The following TRERF1 variants were observed in gnomAD, a reference collection of about 807,000 sequenced individuals.
TRERF1 encodes transcriptional-regulating factor 1.
In TRERF1, 27 loss-of-function variants were observed where a neutral mutation model predicts 122.9. That is an observed-to-expected ratio of 0.22 (90% CI 0.16 to 0.30). The LOEUF (loss-of-function observed/expected upper bound fraction) is 0.30. TRERF1 is among the 10% of genes least tolerant of loss of function. The pLI is 1.00. For synonymous variants in TRERF1, 636 were observed against 641.7 expected (o/e 0.99, Z 0.13); for missense variants, 1,248 against 1,560.3 (o/e 0.80, Z 3.37).
chr6:42,416,157 C>A (rs1298762930), intron 2 of TRERF1, among the ~76,000 whole-genome samples: 3 of 151,974 alleles, frequency 2.0e-5, no homozygotes, highest in Non-Finnish European at 4.4e-5. Flanking sequence ...TAACTATGCA[C>A]CAAACTACCT....
At chr6:42,298,935 G>A (rs1456530963) in intron 4 of TRERF1, among the ~76,000 whole-genome samples, 3 of 151,860 alleles carry the variant, frequency 2.0e-5, no homozygotes, top group African/African-American at 4.8e-5. Flanking sequence ...GAGAGATTCC[G>A]TCTCAAAAAC....
In TRERF1 at chr6:42,333,550, G is replaced by T. The variant is rs772431231; in HGVS notation, c.-371+29447C>A. The stretch of plus-strand genomic sequence containing the variant: ...AGTCAGAGGCTGCCCTGCACCCTGC[G>T]CAGCTGGAGAAAGGCTTGGGCTTGG... On this transcript the variant is annotated intron_variant, in intron 3 of 17. Transcript: ENST00000372922. Among the ~76,000 whole-genome samples the T allele has an allele frequency of 2.0e-5, 3 of 152,218 alleles. 1 individual carries two copies. Among genetic ancestry groups the T allele is most frequent in the Non-Finnish European group, 4.4e-5 (3 of 68,034 alleles).
At chr6:42,364,178 G>C (rs897791199) in intron 2 of TRERF1, among the ~76,000 whole-genome samples, 13 of 152,146 alleles carry the variant, frequency 8.5e-5, no homozygotes, top group Admixed American at 5.2e-4. Flanking sequence ...AGCCACAATG[G>C]CTTCCTCAAA....
At chr6:42,427,456 G>A (rs541785112) in intron 2 of TRERF1, among the ~76,000 whole-genome samples, 5 of 152,004 alleles carry the variant, frequency 3.3e-5, no homozygotes, top group African/African-American at 1.2e-4. Context: ...TCACTATGTT[G>A]CCCAGGCTGG....
chr6:42,247,008 C>G (rs1452542748), intron 13 of TRERF1, among the ~76,000 whole-genome samples: 1 of 152,232 alleles, frequency 6.6e-6, no homozygotes, highest in East Asian at 1.9e-4. Flanking sequence ...AAGATGCTCA[C>G]AGTCTACTGG....
chr6:42,399,190 C>G (rs962010267), intron 2 of TRERF1, among the ~76,000 whole-genome samples: 1 of 152,114 alleles, frequency 6.6e-6, no homozygotes, highest in Non-Finnish European at 1.5e-5. Context: ...AGAAATGAAA[C>G]AGAATGTACA....
In TRERF1 at chr6:42,317,801, G is replaced by A. The variant is rs190689033; in HGVS notation, c.-370-17052C>T. 1.4e-4 allele frequency among the ~76,000 whole-genome samples: 22 copies of A among 151,984 alleles called. No homozygotes were observed. In the Middle Eastern group the frequency reaches 0.014, roughly 94 times the overall value. On this transcript the variant is annotated intron_variant, in intron 3 of 17. Coordinates refer to ENST00000372922, the Ensembl canonical transcript of TRERF1. ...GCTAAACTTTTTAAGATATAGTTGA[G>A]ATTATATTGTATACATAATTTTGAA...
At chr6:42,234,050 G>A (rs190955653) in intron 16 of TRERF1, among the ~76,000 whole-genome samples, 3 of 152,270 alleles carry the variant, frequency 2.0e-5, no homozygotes, top group Admixed American at 1.3e-4. Flanking sequence ...GGGCTCTGTT[G>A]TATAGGATGT....
At chr6:42,407,198 T>C (rs1212281412) in intron 2 of TRERF1, among the ~76,000 whole-genome samples, 1 of 152,210 alleles carries the variant, frequency 6.6e-6, no homozygotes, top group Non-Finnish European at 1.5e-5. Flanking sequence ...TAAATCTAAG[T>C]CTGCTCAACA....
intron 2 of TRERF1, among the ~76,000 whole-genome samples, chr6:42,375,409 T>C (rs905878161): frequency 6.6e-6 from 1 of 152,226 alleles, no homozygotes; most frequent in Non-Finnish European, 1.5e-5. Flanking sequence ...TCCACACAAA[T>C]GCTAGTTCCT....
At chr6:42,250,701 T>C (rs1046865973) in intron 13 of TRERF1, among the ~76,000 whole-genome samples, 1 of 152,122 alleles carries the variant, frequency 6.6e-6, no homozygotes, top group Non-Finnish European at 1.5e-5. Context: ...TCCTGGCTAT[T>C]GGGCTATTAC....
At chr6:42,341,089 G>A (rs187205861) in intron 3 of TRERF1, among the ~76,000 whole-genome samples, 3 of 152,312 alleles carry the variant, frequency 2.0e-5, no homozygotes, top group African/African-American at 7.2e-5. Flanking sequence ...TGGGTGCAGG[G>A]TTTTCATGAC....
chr6:42,432,438 G>A (rs565262546), intron 2 of TRERF1, among the ~76,000 whole-genome samples: 20 of 152,192 alleles, frequency 1.3e-4, no homozygotes, highest in African/African-American at 2.9e-4. Flanking sequence ...CATTTGTGGC[G>A]GTATTATTCA....
In TRERF1 at chr6:42,247,152, T is replaced by C. The variant is rs572136872; in HGVS notation, c.2657-608A>G. ...CAGGGCAGCCAGGAGGGCTTCCAGC[T>C]AGAGAAAACATGAGTTGAGTTTTAA... is the stretch of plus-strand genomic sequence containing the variant. On this transcript the variant is annotated intron_variant, in intron 13 of 17. Transcript: ENST00000372922. 3.3e-5 allele frequency among the ~76,000 whole-genome samples: 5 copies of C among 152,306 alleles called. No homozygotes were observed. The East Asian group carries it at 9.6e-4, about 29-fold the overall frequency.
At chr6:42,402,452 T>C (rs1779528416) in intron 2 of TRERF1, among the ~76,000 whole-genome samples, 1 of 152,172 alleles carries the variant, frequency 6.6e-6, no homozygotes, top group East Asian at 1.9e-4. Context: ...AGACCCCTGT[T>C]CACCGCTACT....
intron 1 of TRERF1, among the ~76,000 whole-genome samples, 172 bp from the exon 2 acceptor site, chr6:42,451,433 G>A (rs1788484298): frequency 6.7e-6 from 1 of 149,838 alleles, no homozygotes; most frequent in Admixed American, 6.6e-5. Flanking sequence ...CCCGACAAGA[G>A]TGTGCTCCCC....
chr6:42,265,149 C>A (rs555074803), intron 6 of TRERF1, among the ~76,000 whole-genome samples: 19 of 152,224 alleles, frequency 1.2e-4, no homozygotes, highest in South Asian at 4.1e-4. Flanking sequence ...GGAACGATAG[C>A]TTATTACCCT....
chr6:42,445,561 ATAGG>A (rs1787360475), intron 2 of TRERF1, among the ~76,000 whole-genome samples: 1 of 151,910 alleles, frequency 6.6e-6, no homozygotes, highest in South Asian at 2.1e-4. Flanking sequence ...TTTGAGTCTA[ATAGG>A]CACCTCAAAC....
In TRERF1 at chr6:42,450,030, A is replaced by G. The variant is rs150283031; in HGVS notation, c.-454+1147T>C. Among the ~76,000 whole-genome samples, 22 of 152,362 alleles carry G rather than the reference A, an allele frequency of 1.4e-4. 2 individuals carry two copies. The East Asian group carries it at 4.2e-3, about 29-fold the overall frequency. Reference sequence around the variant, plus strand: ...TAGCAAAGTTAAAACTCCCAGCATCATCAAGGTAGCTGACAGCTAAGACCT... The same window carrying G: ...TAGCAAAGTTAAAACTCCCAGCATCGTCAAGGTAGCTGACAGCTAAGACCT... On this transcript the variant is annotated intron_variant, in intron 2 of 17. Transcript: ENST00000372922.
Sources: gnomAD v4.1 joint callset for allele counts (sites outside exome capture counted in the v4.1 genomes callset) on GRCh38, gnomAD v4.1.1 for gene constraint, MANE v1.5 for transcripts, NCBI Gene and HGNC (gene_info 2026-07-23, HGNC 2026-07-21) for gene names.